The following CNTN5 variants were observed in gnomAD, a reference collection of about 807,000 sequenced individuals.
The protein encoded by CNTN5 is contactin-5.
A neutral mutation model predicts 129.1 loss-of-function variants in CNTN5; 77 were observed. That is an observed-to-expected ratio of 0.60 (90% CI 0.50 to 0.72). The LOEUF (loss-of-function observed/expected upper bound fraction) is 0.72, where lower values mean the gene tolerates loss of function less well. CNTN5 is among the 30% of genes least tolerant of loss of function. CNTN5 has a pLI of 0.00. For missense variants in CNTN5, 1,478 were observed against 1,328.8 expected (o/e 1.11, Z -1.75); for synonymous variants, 509 against 465.6 (o/e 1.09, Z -1.20).
chr11:100,253,657 CAGTCTAAAAACTTGTT>C (rs1393500549), intron 16 of CNTN5, among the ~76,000 whole-genome samples: 1 of 152,112 alleles, frequency 6.6e-6, no homozygotes, highest in East Asian at 1.9e-4. Context: ...CCTGTCACCA[CAGTCTAAAAACTTGTT>C]AGACATCTTC....
chr11:100,252,244 T>G (rs1949977329), intron 16 of CNTN5, among the ~76,000 whole-genome samples: 1 of 152,148 alleles, frequency 6.6e-6, no homozygotes, highest in South Asian at 2.1e-4. Flanking sequence ...CAGATGTGAC[T>G]GTTTTTTAAT....
intron 1 of CNTN5, among the ~76,000 whole-genome samples, chr11:99,317,936 A>G (rs964110734): frequency 6.6e-6 from 1 of 152,202 alleles, no homozygotes; most frequent in African/African-American, 2.4e-5. Context: ...TTGTCTCCAC[A>G]TGCACTTTTC....
intron 1 of CNTN5, among the ~76,000 whole-genome samples, chr11:99,157,183 T>C (rs1485033010): frequency 6.6e-6 from 1 of 152,074 alleles, no homozygotes; most frequent in East Asian, 1.9e-4. Flanking sequence ...TGATCGTTTC[T>C]ATTATAAATT....
intron 3 of CNTN5, among the ~76,000 whole-genome samples, chr11:99,585,637 C>A (rs960467447): frequency 2.0e-5 from 3 of 152,026 alleles, no homozygotes; most frequent in Non-Finnish European, 4.4e-5. Flanking sequence ...AAACAAAGTT[C>A]TTTCAAGACT....
intron 9 of CNTN5, among the ~76,000 whole-genome samples, chr11:100,025,081 C>T (rs61909189): frequency 0.071 from 10,784 of 152,248 alleles, 486 homozygotes; most frequent in East Asian, 0.17. Context: ...TGCAACCCTT[C>T]CCATCTAAGG....
chr11:99,109,879 G>T (rs902917643), intron 1 of CNTN5, among the ~76,000 whole-genome samples: 4 of 151,914 alleles, frequency 2.6e-5, no homozygotes, highest in African/African-American at 9.7e-5. Flanking sequence ...ACTTATAAAT[G>T]AACATTTCAT....
intron 1 of CNTN5, among the ~76,000 whole-genome samples, chr11:99,060,609 T>C (rs1049237875): frequency 6.6e-6 from 1 of 151,934 alleles, no homozygotes; most frequent in Non-Finnish European, 1.5e-5. Context: ...TATGGATTTT[T>C]TTTTCATTAT....
intron 3 of CNTN5, among the ~76,000 whole-genome samples, chr11:99,723,801 T>C (rs1290806332): frequency 6.6e-6 from 1 of 152,140 alleles, no homozygotes; most frequent in Non-Finnish European, 1.5e-5. Context: ...CGCGTGTGTG[T>C]TTTGTTTAAA....
chr11:99,757,800 G>A (rs1349746240), intron 3 of CNTN5, among the ~76,000 whole-genome samples: 2 of 151,860 alleles, frequency 1.3e-5, no homozygotes, highest in Non-Finnish European at 2.9e-5. Context: ...TAATCTTTCT[G>A]GTTATATATT....
chr11:99,846,442 T>C (rs1275917633), intron 6 of CNTN5, among the ~76,000 whole-genome samples: 1 of 151,324 alleles, frequency 6.6e-6, no homozygotes, highest in Non-Finnish European at 1.5e-5. Flanking sequence ...ATTTTACTTA[T>C]AATGAGAGCT....
chr11:100,160,128 G>A (rs1028254103), intron 13 of CNTN5, among the ~76,000 whole-genome samples: 55 of 151,790 alleles, frequency 3.6e-4, no homozygotes, highest in African/African-American at 1.3e-3. Flanking sequence ...GTGTCCATGT[G>A]TTCTCATTGT....
intron 16 of CNTN5, among the ~76,000 whole-genome samples, chr11:100,251,049 G>A (rs925644268): frequency 6.6e-6 from 1 of 152,146 alleles, no homozygotes; most frequent in South Asian, 2.1e-4. Context: ...GGACACGTTA[G>A]CTAAATTTCA....
chr11:99,595,155 G>T (rs1176509707), intron 3 of CNTN5, among the ~76,000 whole-genome samples: 4 of 152,028 alleles, frequency 2.6e-5, no homozygotes, highest in Admixed American at 2.0e-4. Flanking sequence ...ACACACTAGG[G>T]TGACTATAGC....
chr11:99,906,183 G>A (rs1186665060), intron 6 of CNTN5, among the ~76,000 whole-genome samples: 1 of 152,152 alleles, frequency 6.6e-6, no homozygotes, highest in Admixed American at 6.6e-5. Context: ...TTGAATAGGA[G>A]TGGTGAGAGA....
At chr11:100,101,749 A>G (rs188078745) in intron 13 of CNTN5, among the ~76,000 whole-genome samples, 1 of 152,126 alleles carries the variant, frequency 6.6e-6, no homozygotes, top group East Asian at 1.9e-4. Flanking sequence ...TTTCCCTCTG[A>G]GTCTCCGAAG....
At position 99,282,138 on chromosome 11, in the gene CNTN5, A is replaced by C. The variant is rs528773114; in HGVS notation, c.-209-43208A>C. On this transcript the variant is annotated intron_variant, in intron 1 of 24. Coordinates refer to ENST00000524871, the MANE Select transcript of CNTN5 (RefSeq NM_014361.4). ...GAAAATTTTATTCACGATCTGAAAA[A>C]AATGTGCATAAACTCAGTACAATTT... 3.3e-5 allele frequency among the ~76,000 whole-genome samples: 5 copies of C among 152,194 alleles called. No homozygotes were observed. In the East Asian group the frequency reaches 9.7e-4, roughly 29 times the overall value.
At chr11:99,651,714 G>A (rs116079429) in intron 3 of CNTN5, among the ~76,000 whole-genome samples, 338 of 151,974 alleles carry the variant, frequency 2.2e-3, no homozygotes, top group African/African-American at 7.4e-3. Flanking sequence ...GCTTTTATCA[G>A]CACTTACTTT....
chr11:99,128,695 C>A (rs1027440337), intron 1 of CNTN5, among the ~76,000 whole-genome samples: 5 of 152,278 alleles, frequency 3.3e-5, no homozygotes, highest in Admixed American at 1.3e-4. Context: ...CAGGGGTCAC[C>A]AGACACCTCA....
intron 10 of CNTN5, among the ~76,000 whole-genome samples, chr11:100,063,355 C>G (rs1235561353): frequency 6.6e-6 from 1 of 151,724 alleles, no homozygotes; most frequent in Non-Finnish European, 1.5e-5. Context: ...GACAAACCTA[C>G]CCAAAGCGTG....
Sources: allele counts gnomAD v4.1 joint callset (sites outside exome capture counted in the v4.1 genomes callset), GRCh38; gene constraint gnomAD v4.1.1; transcripts MANE v1.5; gene names NCBI Gene and HGNC (gene_info 2026-07-23, HGNC 2026-07-21).